The following SIM1 variants were observed in gnomAD, a reference collection of about 807,000 sequenced individuals.
SIM1 encodes the protein SIM bHLH transcription factor 1.
SIM1 carries 18 observed loss-of-function variants against 78.2 expected under a neutral mutation model. The observed-to-expected ratio is 0.23, with a 90% CI of 0.16 to 0.34. SIM1 has a LOEUF of 0.34. Ranked by LOEUF, SIM1 falls within the 10% of genes least tolerant of loss-of-function variation. The pLI is 1.00. For synonymous variants in SIM1, 417 were observed against 385.2 expected, an observed-to-expected ratio of 1.08 and a Z score of -0.97; for missense variants, 939 against 975.1, an observed-to-expected ratio of 0.96 and a Z score of 0.49.
At chr6:100,409,905 A>G (rs1420054889) in intron 10 of SIM1, among the ~76,000 whole-genome samples, 2 of 152,204 alleles carry the variant, frequency 1.3e-5, no homozygotes, top group African/African-American at 4.8e-5. Context: ...ATATAAGTCC[A>G]ACCTTCTTGA....
At chr6:100,458,722 A>T (rs2114555953) in intron 2 of SIM1, among the ~76,000 whole-genome samples, 1 of 151,596 alleles carries the variant, frequency 6.6e-6, no homozygotes, top group East Asian at 2.0e-4. Flanking sequence ...CGCGACGGGG[A>T]CCTCGACATG....
chr6:100,396,774 C>T (rs1257825904), intron 10 of SIM1, among the ~76,000 whole-genome samples: 3 of 152,098 alleles, frequency 2.0e-5, no homozygotes, highest in Non-Finnish European at 4.4e-5. Flanking sequence ...ACTACAGCCG[C>T]ATTACTTGAT....
chr6:100,413,809 G>A (rs1334294504), intron 10 of SIM1, among the ~76,000 whole-genome samples: 1 of 152,120 alleles, frequency 6.6e-6, no homozygotes, highest in African/African-American at 2.4e-5. Flanking sequence ...GGCCAAATAA[G>A]TTCTCTATAA....
intron 10 of SIM1, among the ~76,000 whole-genome samples, chr6:100,417,608 C>T (rs1411996183): frequency 6.6e-6 from 1 of 152,026 alleles, no homozygotes; most frequent in Non-Finnish European, 1.5e-5. Context: ...ATTTAGAATC[C>T]AAGATGGAGG....
chr6:100,387,901 C>G lies in SIM1; in HGVS notation c.*2460G>C, dbSNP rs1371295198. 6.6e-6 allele frequency: 1 copy of G among 152,068 alleles called. No homozygotes were observed. The highest frequency in any genetic ancestry group is 1.5e-5 in the Non-Finnish European group (1 of 67,964). The allele number at this position is 152,068 out of a possible 1,614,324, so 9.4% of individuals were successfully genotyped here. On this transcript the variant is annotated 3_prime_UTR_variant, in exon 12 of 12. Transcript: ENST00000369208. ...CTTAAGTTTCCATTTCTTTTAGCTT[C>G]TGTCCCTGGCACATTTGGTAGAATA...
At position 100,390,256 on chromosome 6, in the gene SIM1, G is replaced by T. The variant is rs985868227; in HGVS notation, c.*105C>A. ...ACGTATCAAATACCCAGTAACTTAA[G>T]TTATACTCTCTAACAATCTGTGGCA... On this transcript the variant is annotated 3_prime_UTR_variant, in exon 12 of 12. Coordinates refer to ENST00000369208, the MANE Select transcript of SIM1 (RefSeq NM_005068.3). The T allele has an allele frequency of 3.9e-6, 5 of 1,287,236 alleles. No individual in the cohort carries two copies. Among genetic ancestry groups the T allele is most frequent in the Non-Finnish European group, 5.4e-6 (5 of 933,716 alleles). The allele number at this position is 1,287,236 out of a possible 1,614,324, so 79.7% of individuals were successfully genotyped here.
Position 100,390,402 on chromosome 6 carries a change from C to T in SIM1, c.2260G>A (p.Gly754Arg), listed in dbSNP as rs750845672. 7 of 1,614,086 alleles carry T rather than the reference C, an allele frequency of 4.3e-6. No individual in the cohort carries two copies. The South Asian group carries it at 7.7e-5, about 18-fold the overall frequency. ...HLRMQPDPAQ[G>R]HKGTSVIITN... Reference sequence around the variant, plus strand: ...ATTATAACAGATGTTCCCTTGTGTCCTTGTGCTGGGTCTGGTTGCATCCTC... The same window carrying T: ...ATTATAACAGATGTTCCCTTGTGTCTTTGTGCTGGGTCTGGTTGCATCCTC... The change falls in exon 12 of 12, where the codon GGA (glycine) becomes AGA (arginine). Residue 754 changes from glycine (G) to arginine (R), a missense_variant. By Grantham distance (125) the Gly-to-Arg change is moderately radical (BLOSUM62 -2). This residue lies in a region of SIM1 where 556 missense variants were observed against 521.9 expected (regional missense o/e 1.07). Coordinates refer to ENST00000369208, the MANE Select transcript of SIM1 (RefSeq NM_005068.3).
At chr6:100,407,239 T>C (rs1403739368) in intron 10 of SIM1, among the ~76,000 whole-genome samples, 1 of 152,178 alleles carries the variant, frequency 6.6e-6, no homozygotes, top group Non-Finnish European at 1.5e-5. Flanking sequence ...TTCGTCTTTC[T>C]CTATCTGGCT....
intron 10 of SIM1, among the ~76,000 whole-genome samples, chr6:100,401,127 T>C (rs1203771461): frequency 2.0e-5 from 3 of 152,078 alleles, no homozygotes; most frequent in Non-Finnish European, 2.9e-5. Flanking sequence ...ACTAATGAAG[T>C]ATTCCAGTGG....
chr6:100,438,415 C>T (rs1048341099), intron 9 of SIM1, among the ~76,000 whole-genome samples: 3 of 152,184 alleles, frequency 2.0e-5, no homozygotes, highest in African/African-American at 7.2e-5. Context: ...AGTGAGGTAC[C>T]ACCTTACACC....
chr6:100,406,285 T>C (rs983467376), intron 10 of SIM1, among the ~76,000 whole-genome samples: 3 of 152,282 alleles, frequency 2.0e-5, no homozygotes, highest in Middle Eastern at 3.4e-3. Context: ...CTCTCTGATT[T>C]TTCATATGTA....
chr6:100,446,701 C>T (rs1343849542), intron 9 of SIM1, among the ~76,000 whole-genome samples: 1 of 152,212 alleles, frequency 6.6e-6, no homozygotes, highest in Admixed American at 6.5e-5. Context: ...CCGCGCGGGG[C>T]CTGGGCGCCG....
At chr6:100,461,925 T>A (rs1233626750) in intron 2 of SIM1, among the ~76,000 whole-genome samples, 1 of 151,048 alleles carries the variant, frequency 6.6e-6, no homozygotes, top group African/African-American at 2.5e-5. Context: ...AGAGAAGAAC[T>A]GTTCAAGGAA....
At chr6:100,403,802 T>C (rs1770986937) in intron 10 of SIM1, among the ~76,000 whole-genome samples, 1 of 152,228 alleles carries the variant, frequency 6.6e-6, no homozygotes. Flanking sequence ...CATTCGTCAC[T>C]ATGCAGATTC....
intron 9 of SIM1, among the ~76,000 whole-genome samples, chr6:100,435,546 A>G (rs1316931451): frequency 1.1e-4 from 16 of 152,136 alleles, no homozygotes; most frequent in Admixed American, 1.0e-3. Flanking sequence ...CATGCAATGA[A>G]CAAAACAATG....
At chr6:100,406,625 G>T (rs1771057081) in intron 10 of SIM1, among the ~76,000 whole-genome samples, 1 of 152,134 alleles carries the variant, frequency 6.6e-6, no homozygotes, top group African/African-American at 2.4e-5. Flanking sequence ...CAGTAAAAAT[G>T]AGGAAAACTA....
Position 100,386,240 on chromosome 6 carries a change from T to G in SIM1, c.*4121A>C, listed in dbSNP as rs900154863. ...TTCAAACATTTTATATCAGAAAGAC[T>G]GTGTTTGATTGTATTAAAGTGTAAG... On this transcript the variant is annotated 3_prime_UTR_variant, in exon 12 of 12. Transcript: ENST00000369208. 1.3e-5 allele frequency: 2 copies of G among 152,006 alleles called. No homozygotes were observed. The highest frequency in any genetic ancestry group is 4.8e-5 in the African/African-American group (2 of 41,420). 9.4% of individuals were successfully genotyped at this position (152,006 alleles called of 1,614,324 possible). A position where few individuals can be genotyped will look rare whatever the true frequency, so the allele number is the denominator to read the frequency against.
intron 9 of SIM1, among the ~76,000 whole-genome samples, chr6:100,434,456 T>A (rs1460115193): frequency 6.6e-6 from 1 of 152,222 alleles, no homozygotes; most frequent in Non-Finnish European, 1.5e-5. Context: ...TGCCTGTCGC[T>A]TGTTTGGACA....
At chr6:100,445,944 A>G (rs754550657) in intron 9 of SIM1, among the ~76,000 whole-genome samples, 1 of 152,170 alleles carries the variant, frequency 6.6e-6, no homozygotes, top group Non-Finnish European at 1.5e-5. Flanking sequence ...GTTTTGTTTC[A>G]TGAAACCCAA....
Sources: gnomAD v4.1 joint callset for allele counts (sites outside exome capture counted in the v4.1 genomes callset) on GRCh38, gnomAD v4.1.1 for gene constraint, gnomAD v4.1.1 regional missense constraint, MANE v1.5 for transcripts, NCBI Gene and HGNC (gene_info 2026-07-23, HGNC 2026-07-21) for gene names.